CD226: variants seen among roughly 807,000 people sequenced by gnomAD.
CD226 encodes the protein CD226 molecule.
CD226 carries 24 observed loss-of-function variants against 34.9 expected under a neutral mutation model. The observed-to-expected ratio is 0.69, with a 90% CI of 0.50 to 0.97. CD226 has a LOEUF of 0.97. Among genes scored for constraint, CD226 ranks in the 50% least tolerant of loss-of-function variants. The pLI, the probability that CD226 is intolerant of heterozygous loss-of-function variation, is 0.00. For synonymous variants in CD226, 148 were observed against 147.4 expected (o/e 1.00, Z -0.03); for missense variants, 397 against 412.7 (o/e 0.96, Z 0.33).
At chr18:69,901,834 G>C (rs552331148) in intron 2 of CD226, among the ~76,000 whole-genome samples, 7 of 147,044 alleles carry the variant, frequency 4.8e-5, no homozygotes, top group Admixed American at 1.4e-4. Flanking sequence ...AGCCGAGATC[G>C]CACCACTGCA....
At chr18:69,943,212 C>T (rs566352316) in intron 2 of CD226, among the ~76,000 whole-genome samples, 6 of 152,184 alleles carry the variant, frequency 3.9e-5, no homozygotes, top group Non-Finnish European at 8.8e-5. Context: ...CCAGTAAACA[C>T]TAGGTGGCAG....
chr18:69,927,758 T>A (rs1241189913), intron 2 of CD226, among the ~76,000 whole-genome samples: 1 of 152,242 alleles, frequency 6.6e-6, no homozygotes, highest in Non-Finnish European at 1.5e-5. Flanking sequence ...ATATTCTACA[T>A]GTTACATACA....
chr18:69,880,653 C>CTTTT (rs33978545), intron 3 of CD226, among the ~76,000 whole-genome samples: 7 of 138,308 alleles, frequency 5.1e-5, no homozygotes, highest in South Asian at 4.5e-4. Context: ...CTTAAGATTT[C>CTTTT]TTTTTTTTTT....
At chr18:69,912,975 C>G (rs1371090461) in intron 2 of CD226, among the ~76,000 whole-genome samples, 1 of 152,194 alleles carries the variant, frequency 6.6e-6, no homozygotes, top group African/African-American at 2.4e-5. Context: ...GTGCAACAAA[C>G]AGTTTGTCTC....
upstream of CD226, among the ~76,000 whole-genome samples, chr18:69,959,707 T>C (rs142778847): frequency 2.0e-5 from 3 of 152,310 alleles, no homozygotes; most frequent in East Asian, 5.8e-4. Context: ...AGACAATTGT[T>C]AATAGATGCT....
intron 2 of CD226, among the ~76,000 whole-genome samples, chr18:69,925,288 C>G (rs1397976279): frequency 2.6e-5 from 4 of 152,160 alleles, no homozygotes; most frequent in Admixed American, 6.5e-5. Context: ...TGTGCTGGGA[C>G]AAGTACTTCG....
intron 2 of CD226, among the ~76,000 whole-genome samples, chr18:69,920,414 T>C (rs1384803259): frequency 6.6e-6 from 1 of 152,216 alleles, no homozygotes; most frequent in Non-Finnish European, 1.5e-5. Flanking sequence ...CAATGCTTCA[T>C]GGAGTTTATA....
intron 2 of CD226, among the ~76,000 whole-genome samples, chr18:69,937,064 C>T (rs1473797678): frequency 6.6e-6 from 1 of 152,054 alleles, no homozygotes; most frequent in Non-Finnish European, 1.5e-5. Flanking sequence ...AAACAAAAGC[C>T]GAAATGAAAG....
intron 2 of CD226, among the ~76,000 whole-genome samples, chr18:69,903,947 C>A (rs566753287): frequency 6.6e-6 from 1 of 152,124 alleles, no homozygotes; most frequent in Non-Finnish European, 1.5e-5. Flanking sequence ...GTCTGGGCCT[C>A]GCCAGCACCC....
chr18:69,952,260 C>A (rs116803843), upstream of CD226, among the ~76,000 whole-genome samples: 84 of 152,242 alleles, frequency 5.5e-4, no homozygotes, highest in African/African-American at 1.8e-3. Flanking sequence ...ATAATGGACA[C>A]TGGAGACTTG....
chr18:69,896,208 G>A (rs1568177405), intron 2 of CD226, 163 bp from the exon 3 acceptor site: 6 of 928,496 alleles, frequency 6.5e-6, no homozygotes, highest in Non-Finnish European at 6.4e-6. Context: ...CTGAGACGGA[G>A]TCTTGCTCTG....
At position 69,905,187 on chromosome 18, in the gene CD226, GT is replaced by G. The variant is rs1444997035; in HGVS notation, c.383-9143del. On this transcript the variant is annotated intron_variant, in intron 2 of 5. Coordinates refer to ENST00000582621, the MANE Select transcript of CD226 (RefSeq NM_001303618.2). ...AGAAGGGACTCCGGTGACAGCCAGA[GT>G]TTTCTTTTCCACCCTGCAGCAGGGC... Among the ~76,000 whole-genome samples the G allele has an allele frequency of 3.9e-5, 6 of 152,226 alleles. No homozygotes were observed. In the East Asian group the frequency reaches 1.2e-3, roughly 30 times the overall value.
chr18:69,862,897 G>A lies in CD226; in HGVS notation c.*1417C>T, dbSNP rs1982900434. 6.6e-6 allele frequency: 1 copy of A among 152,106 alleles called. No homozygotes were observed. The highest frequency in any genetic ancestry group is 2.4e-5 in the African/African-American group (1 of 41,436). 9.4% of individuals were successfully genotyped at this position (152,106 alleles called of 1,614,324 possible). On this transcript the variant is annotated 3_prime_UTR_variant, in exon 6 of 6. Coordinates refer to ENST00000582621, the MANE Select transcript of CD226 (RefSeq NM_001303618.2). ...ATGGTGGTCTTTAGAAATCTTTAGA[G>A]ATAAATAATGAATCTTTTAGACATG...
At chr18:69,907,690 G>A (rs1229803220) in intron 2 of CD226, among the ~76,000 whole-genome samples, 2 of 152,154 alleles carry the variant, frequency 1.3e-5, no homozygotes, top group Admixed American at 6.5e-5. Context: ...TGCTTACAGT[G>A]GCTGGGGATT....
In CD226 at chr18:69,856,674, T is replaced by C. The variant is rs1008000960; in HGVS notation, c.*7640A>G. 5.9e-5 allele frequency: 9 copies of C among 152,102 alleles called. No individual in the cohort carries two copies. The highest frequency in any genetic ancestry group is 2.2e-4 in the African/African-American group (9 of 41,432). 9.4% of individuals were successfully genotyped at this position (152,102 alleles called of 1,614,324 possible). A position where few individuals can be genotyped will look rare whatever the true frequency, so the allele number is the denominator to read the frequency against. On this transcript the variant is annotated 3_prime_UTR_variant, in exon 6 of 6. Coordinates refer to ENST00000582621, the MANE Select transcript of CD226 (RefSeq NM_001303618.2). ...TATAAAGTAGAAAAATCCCAAAATA[T>C]ATAGAGATTAAACAACACATTGTAA...
intron 1 of CD226, chr18:69,956,550 T>G (rs993826662): frequency 6.6e-6 from 1 of 152,220 alleles, no homozygotes; most frequent in Non-Finnish European, 1.5e-5. Flanking sequence ...ACTGGCACCC[T>G]TTTACTACAA....
At chr18:69,927,252 G>A (rs1168371995) in intron 2 of CD226, among the ~76,000 whole-genome samples, 1 of 152,064 alleles carries the variant, frequency 6.6e-6, no homozygotes, top group Non-Finnish European at 1.5e-5. Flanking sequence ...ATTTGCTCGT[G>A]CTTTGGTCTT....
At chr18:69,896,902 T>G (rs1268202116) in intron 2 of CD226, among the ~76,000 whole-genome samples, 1 of 152,180 alleles carries the variant, frequency 6.6e-6, no homozygotes, top group Non-Finnish European at 1.5e-5. Context: ...CTTGATACCA[T>G]GAAAGTCCAG....
At chr18:69,929,815 A>C (rs529274326) in intron 2 of CD226, among the ~76,000 whole-genome samples, 16 of 152,214 alleles carry the variant, frequency 1.1e-4, no homozygotes, top group African/African-American at 3.6e-4. Flanking sequence ...ACCTGGTGCC[A>C]CTCTTGAATC....
Sources: allele counts gnomAD v4.1 joint callset (sites outside exome capture counted in the v4.1 genomes callset), GRCh38; gene constraint gnomAD v4.1.1; transcripts MANE v1.5; gene names NCBI Gene and HGNC (gene_info 2026-07-23, HGNC 2026-07-21).